Variants in SGSM1 observed in about 807,000 individuals in gnomAD.
SGSM1 encodes RUN and TBC1 domain containing 2.
Under a neutral mutation model 133.8 loss-of-function variants are expected in SGSM1, and 73 were observed. That is an observed-to-expected ratio of 0.55 (90% CI 0.45 to 0.66). The LOEUF (loss-of-function observed/expected upper bound fraction) is 0.66. Among genes scored for constraint, SGSM1 ranks in the 30% least tolerant of loss-of-function variants. The pLI is 0.00. For missense variants in SGSM1, 1,213 were observed against 1,448.1 expected (o/e 0.84, Z 2.64); for synonymous variants, 563 against 573.0 (o/e 0.98, Z 0.25).
chr22:24,849,518 C>T (rs1930334565), intron 4 of SGSM1, among the ~76,000 whole-genome samples: 1 of 152,172 alleles, frequency 6.6e-6, no homozygotes, highest in Non-Finnish European at 1.5e-5. Context: ...TGCCATTGCA[C>T]TCCAGCCTGG....
intron 2 of SGSM1, among the ~76,000 whole-genome samples, chr22:24,833,941 C>T (rs189775250): frequency 1.3e-5 from 2 of 152,344 alleles, no homozygotes; most frequent in African/African-American, 4.8e-5. Context: ...CTCCTCTTCC[C>T]ACCCTCTCAC....
chr22:24,863,340 G>A (rs1042798851), intron 9 of SGSM1, among the ~76,000 whole-genome samples: 21 of 152,106 alleles, frequency 1.4e-4, no homozygotes, highest in African/African-American at 5.1e-4. Context: ...TCTATTTTTA[G>A]TAGAGACGGG....
At chr22:24,881,582 A>G (rs1932330772) in intron 14 of SGSM1, among the ~76,000 whole-genome samples, 1 of 152,072 alleles carries the variant, frequency 6.6e-6, no homozygotes, top group Admixed American at 6.6e-5. Flanking sequence ...AAAACAAAAC[A>G]AAACAAAACA....
At chr22:24,894,590 G>A (rs1932873195) in intron 17 of SGSM1, among the ~76,000 whole-genome samples, 1 of 152,114 alleles carries the variant, frequency 6.6e-6, no homozygotes, top group Non-Finnish European at 1.5e-5. Context: ...GTCCGTAACT[G>A]GTCAACTAAA....
chr22:24,825,625 T>C (rs1378413047), intron 2 of SGSM1, among the ~76,000 whole-genome samples: 4 of 152,080 alleles, frequency 2.6e-5, no homozygotes, highest in Non-Finnish European at 4.4e-5. Context: ...AGACGGGGTG[T>C]TACCGTATTG....
chr22:24,832,287 TATG>T (rs1929162978), intron 2 of SGSM1, among the ~76,000 whole-genome samples: 1 of 152,104 alleles, frequency 6.6e-6, no homozygotes, highest in Non-Finnish European at 1.5e-5. Context: ...GGGCATATGT[TATG>T]AGGATTCTGT....
chr22:24,816,417 C>T lies in SGSM1; in HGVS notation c.63+9933C>T, dbSNP rs375413915. Among the ~76,000 whole-genome samples the T allele has an allele frequency of 4.3e-3, 558 of 130,052 alleles. 3 individuals carry two copies. The highest frequency in any genetic ancestry group is 0.014 in the African/African-American group (487 of 35,704). 85.3% of individuals were successfully genotyped at this position (130,052 alleles called of 152,430 possible). A position where few individuals can be genotyped will look rare whatever the true frequency, so the allele number is the denominator to read the frequency against. Reference sequence around the variant, plus strand: ...AAAAATTGATTTCTTTTTTTTCTTTCTTTTTTTTTTTTTTTTGAGATGGTG... The same window carrying T: ...AAAAATTGATTTCTTTTTTTTCTTTTTTTTTTTTTTTTTTTTGAGATGGTG... On this transcript the variant is annotated intron_variant, in intron 2 of 24. Transcript: ENST00000400358.
At chr22:24,851,162 C>T (rs1930444904) in intron 5 of SGSM1, among the ~76,000 whole-genome samples, 1 of 151,764 alleles carries the variant, frequency 6.6e-6, no homozygotes, top group Non-Finnish European at 1.5e-5. Flanking sequence ...ACGTTTTCTC[C>T]ACTAGTTTAG....
At chr22:24,889,988 G>A (rs1569165087) in intron 16 of SGSM1, among the ~76,000 whole-genome samples, 1 of 138,732 alleles carries the variant, frequency 7.2e-6, no homozygotes, top group East Asian at 2.1e-4. Flanking sequence ...ACGGAGTCTT[G>A]CTCTGTCGCC....
rs1933380381 is a variant in SGSM1 at position 24,906,359 on chromosome 22, G to A, written c.2818+1172G>A. 3.9e-5 allele frequency among the ~76,000 whole-genome samples: 6 copies of A among 152,306 alleles called. No individual in the cohort carries two copies. In the South Asian group the frequency reaches 8.3e-4, roughly 21 times the overall value. On this transcript the variant is annotated intron_variant, in intron 21 of 24. Transcript: ENST00000400358. The stretch of plus-strand genomic sequence containing the variant: ...CTGAGAGCAGGAACAGGACAAGTAT[G>A]TCTATTTTTGCCGCCAAAGGTTCTA...
chr22:24,867,429 G>A lies in SGSM1; in HGVS notation c.994+269G>A, dbSNP rs1346033073. ...AGCATGAAATCCACCTATGGCTATG[G>A]CGTTAGCTGCTGACACTTACTAAGC... On this transcript the variant is annotated intron_variant, in intron 10 of 24. Coordinates refer to ENST00000400358, the MANE Select transcript of SGSM1 (RefSeq NM_001098497.3). Among the ~76,000 whole-genome samples the A allele has an allele frequency of 2.6e-5, 4 of 152,224 alleles. No individual in the cohort carries two copies. The East Asian group carries it at 7.7e-4, about 29-fold the overall frequency.
intron 24 of SGSM1, among the ~76,000 whole-genome samples, chr22:24,922,271 G>C (rs5760735): frequency 0.22 from 31,237 of 142,748 alleles, 3,939 homozygotes; most frequent in East Asian, 0.57. Flanking sequence ...AGCTCCACCT[G>C]TGGGATTCAC....
intron 2 of SGSM1, among the ~76,000 whole-genome samples, chr22:24,839,981 C>T (rs1460681054): frequency 7.7e-6 from 1 of 130,152 alleles, no homozygotes; most frequent in Non-Finnish European, 1.5e-5. Context: ...GTCACCCAGG[C>T]TGGAGTGCTG....
intron 9 of SGSM1, among the ~76,000 whole-genome samples, chr22:24,861,123 G>A (rs1462833742): frequency 6.6e-6 from 1 of 150,716 alleles, no homozygotes; most frequent in African/African-American, 2.4e-5. Flanking sequence ...GGGAGGCTGA[G>A]GCAGGTAGAT....
intron 13 of SGSM1, among the ~76,000 whole-genome samples, chr22:24,877,546 C>A (rs989460921): frequency 5.9e-5 from 9 of 152,068 alleles, no homozygotes; most frequent in African/African-American, 2.2e-4. Flanking sequence ...TTTGTCCTTG[C>A]GGGGCTTCTG....
At chr22:24,903,665 T>C (rs1933247473) in intron 20 of SGSM1, among the ~76,000 whole-genome samples, 1 of 59,378 alleles carries the variant, frequency 1.7e-5, no homozygotes, top group African/African-American at 6.7e-5. Context: ...GGTGGTGACC[T>C]TTGAGATGGA....
At chr22:24,844,231 C>T (rs1929962011) in intron 2 of SGSM1, 1 of 152,206 alleles carries the variant, frequency 6.6e-6, no homozygotes, top group Admixed American at 6.5e-5. Flanking sequence ...AACAAATCAA[C>T]AAATAGAATG....
Position 24,855,411 on chromosome 22 carries a change from C to T in SGSM1, c.650C>T (p.Thr217Ile). Residue 217 changes from threonine (T) to isoleucine (I), a missense_variant, in exon 7 of 25, where the codon ACC (threonine) becomes ATC (isoleucine). Physicochemically the swap from Thr to Ile is moderately conservative, Grantham distance 89. Coordinates refer to ENST00000400358, the MANE Select transcript of SGSM1 (RefSeq NM_001098497.3). ...HSSHVRQDSPTKRPALCIQKR... is the reference protein window; with the variant it reads ...HSSHVRQDSPIKRPALCIQKR... ...TCCCACGTGCGGCAGGACTCGCCCA[C>T]CAAGCGTCCTGCCCTCTGTGTGAGT... The T allele has an allele frequency of 6.2e-7, 1 of 1,613,562 alleles. No homozygotes were observed. The highest frequency in any genetic ancestry group is 8.5e-7 in the Non-Finnish European group (1 of 1,179,792).
chr22:24,815,309 A>G (rs1228310768), intron 2 of SGSM1, among the ~76,000 whole-genome samples: 1 of 152,200 alleles, frequency 6.6e-6, no homozygotes, highest in Non-Finnish European at 1.5e-5. Context: ...AATCACTGAG[A>G]TAAGTATTGC....
Sources: gnomAD v4.1 joint callset for allele counts (sites outside exome capture counted in the v4.1 genomes callset) on GRCh38, gnomAD v4.1.1 for gene constraint, MANE v1.5 for transcripts, NCBI Gene and HGNC (gene_info 2026-07-23, HGNC 2026-07-21) for gene names.